Variants in GPR153 observed in about 807,000 individuals in gnomAD.
GPR153 encodes the protein G protein-coupled receptor 153, also known as probable G protein-coupled receptor 153.
Under a neutral mutation model 34.1 loss-of-function variants are expected in GPR153, and 27 were observed. The ratio of observed to expected loss-of-function variants is 0.79; its 90% CI spans 0.58 to 1.09. GPR153 has a LOEUF of 1.09. Among genes scored for constraint, GPR153 ranks in the 50% least tolerant of loss-of-function variants. GPR153 has a pLI of 0.00. For synonymous variants in GPR153, 408 were observed against 405.4 expected (o/e 1.01, Z -0.08); for missense variants, 848 against 860.2 (o/e 0.99, Z 0.18).
At chr1:6,255,197 G>A (rs2100990753) in intron 1 of GPR153, among the ~76,000 whole-genome samples, 183 bp from the exon 2 acceptor site, 1 of 114,472 alleles carries the variant, frequency 8.7e-6, no homozygotes. Context: ...TAAGAGGTAA[G>A]ACTATTTTTT....
Position 6,250,448 on chromosome 1 carries a change from A to G in GPR153, c.1156T>C (p.Tyr386His). The change falls in exon 5 of 6, where the codon TAC (tyrosine) becomes CAC (histidine). Residue 386 changes from tyrosine to histidine, a missense_variant. Coordinates refer to ENST00000377893, the MANE Select transcript of GPR153 (RefSeq NM_207370.4). ...LRPLQEDKMQ[Y>H]LQVPPTRRFS... ...CCCAGCCCTGCGCTCACCTGCAGGT[A>G]TTGCATCTTGTCCTCCTGCAAGGGC... 1 of 1,596,244 alleles carries G rather than the reference A, an allele frequency of 6.3e-7. No homozygotes were observed. The highest frequency in any genetic ancestry group is 8.5e-7 in the Non-Finnish European group (1 of 1,171,634).
At chr1:6,258,763 C>T (rs1638613447) in intron 1 of GPR153, among the ~76,000 whole-genome samples, 1 of 152,194 alleles carries the variant, frequency 6.6e-6, no homozygotes. Context: ...GGGAGGCCTT[C>T]CCTCAGATGC....
At chr1:6,260,316 C>T (rs537388292) in intron 1 of GPR153, among the ~76,000 whole-genome samples, 33 of 151,172 alleles carry the variant, frequency 2.2e-4, no homozygotes, top group African/African-American at 7.5e-4. Flanking sequence ...GAGGCCTGGA[C>T]ATCTCCGGCA....
At position 6,249,009 on chromosome 1, in the gene GPR153, C is replaced by T. The variant is rs1344359464; in HGVS notation, c.*329G>A. 4.3e-6 allele frequency: 1 copy of T among 230,558 alleles called. No homozygotes were observed. The highest frequency in any genetic ancestry group is 8.4e-5 in the East Asian group (1 of 11,902). 14.3% of individuals were successfully genotyped at this position (230,558 alleles called of 1,614,324 possible). ...TCTCAGGTTCCCTGCTCCCGACGTC[C>T]TGTTGCGCAGGGCTGGTGATGGCGC... is the stretch of plus-strand genomic sequence containing the variant. On this transcript the variant is annotated 3_prime_UTR_variant, in exon 6 of 6. Transcript: ENST00000377893. The surrounding 1 kb of genome is among the most constrained non-coding windows in gnomAD (Gnocchi z 4.3).
At chr1:6,252,371 C>T (rs2281261) in intron 3 of GPR153, among the ~76,000 whole-genome samples, 111,236 of 151,988 alleles carry the variant, frequency 0.73, 40,978 homozygotes, top group African/African-American at 0.79. Flanking sequence ...CCGTAAGAGA[C>T]GCAGGGGTGG....
At chr1:6,250,338 G>T (rs956829189) in intron 5 of GPR153, 102 bp downstream of exon 5, 3 of 1,457,008 alleles carry the variant, frequency 2.1e-6, no homozygotes, top group Admixed American at 5.1e-5. Context: ...CCACCCCTGC[G>T]ACTGCAGAAG....
intron 5 of GPR153, chr1:6,250,238 C>T (rs1638411337): frequency 2.0e-6 from 2 of 985,420 alleles, no homozygotes; most frequent in Non-Finnish European, 2.4e-6. Flanking sequence ...CAGGAGATAA[C>T]TCATGTGACA....
rs1638381233 is a variant in GPR153 at position 6,249,431 on chromosome 1, GC to G, written c.1736del (p.Gly579AlafsTer10). ...WGEPGGLRAA[G>X]GGGSTSSFLS... ...GGAAGCTGCTGGTGCTGCCGCCGCC[GC>G]CCGCCGCGCGCAGCCCCCCGGGCTC... On this transcript the variant is annotated frameshift_variant, in exon 6 of 6. Coordinates refer to ENST00000377893, the MANE Select transcript of GPR153 (RefSeq NM_207370.4). LOFTEE classifies it high-confidence loss of function. The surrounding 1 kb of genome is among the most constrained non-coding windows in gnomAD (Gnocchi z 4.3). The G allele has an allele frequency of 1.0e-5, 14 of 1,365,272 alleles. No homozygotes were observed. The East Asian group carries it at 4.0e-4, about 39-fold the overall frequency. 84.6% of individuals were successfully genotyped at this position (1,365,272 alleles called of 1,614,324 possible).
Position 6,251,454 on chromosome 1 carries a change from GC to G in GPR153, c.862del (p.Ala288ProfsTer68). On this transcript the variant is annotated frameshift_variant, in exon 4 of 6. Coordinates refer to ENST00000377893, the MANE Select transcript of GPR153 (RefSeq NM_207370.4). LOFTEE classifies it high-confidence loss of function. This position sits in a 1 kb window ranked among gnomAD's most constrained non-coding sequence, Gnocchi z 4.9. ...MALCVLWCSV[A>X]QALLLPVFLW... Reference sequence around the variant, plus strand: ...GAACACAGGCAGCAGCAGGGCCTGGGCCACGGAGCACCACAGCACGCAGAGT... The same window carrying G: ...GAACACAGGCAGCAGCAGGGCCTGGGCACGGAGCACCACAGCACGCAGAGT... The G allele has an allele frequency of 6.2e-7, 1 of 1,613,288 alleles. No homozygotes were observed. Among genetic ancestry groups the G allele is most frequent in the Non-Finnish European group, 8.5e-7 (1 of 1,179,964 alleles).
Position 6,253,969 on chromosome 1 carries a change from G to C in GPR153, c.535C>G (p.Leu179Val). 2 of 1,612,932 alleles carry C rather than the reference G, an allele frequency of 1.2e-6. No homozygotes were observed. The highest frequency in any genetic ancestry group is 1.7e-6 in the Non-Finnish European group (2 of 1,179,806). ...GLGFGVCFLLLVGGSVAMGVI... is the reference protein window; with the variant it reads ...GLGFGVCFLLVVGGSVAMGVI... ...CCCATGGCCACGCTGCCGCCCACCAGCAGCAGGAAGCAGACGCCAAAGCCC... is the reference window on the plus strand; with the variant it reads ...CCCATGGCCACGCTGCCGCCCACCACCAGCAGGAAGCAGACGCCAAAGCCC... Residue 179 changes from leucine (L) to valine (V), a missense_variant, in exon 3 of 6, where the codon CTG becomes GTG. By Grantham distance (32) the Leu-to-Val change is conservative. Transcript: ENST00000377893.
At chr1:6,250,052 G>A in intron 5 of GPR153, 49 bp from the exon 6 acceptor site, 18 of 1,258,038 alleles carry the variant, frequency 1.4e-5, no homozygotes, top group Non-Finnish European at 1.7e-5. Context: ...CCTGGGAAAC[G>A]GGGACAAACC....
chr1:6,249,808 GGC>G lies in GPR153; in HGVS notation c.1358_1359del (p.Arg453ProfsTer17), dbSNP rs1350540079. On this transcript the variant is annotated frameshift_variant, in exon 6 of 6. Transcript: ENST00000377893. LOFTEE classifies it low-confidence loss of function (END_TRUNC). This position sits in a 1 kb window ranked among gnomAD's most constrained non-coding sequence, Gnocchi z 4.3. The stretch of plus-strand genomic sequence containing the variant: ...GACAGCAGGCTCTCGGCCGAGCGGC[GGC>G]GCGCGCGGGACGGTGGTGCGTCCTC... ...FAEDAPPSRA[R>X]RRSAESLLSL... is the part of the protein sequence containing the mutation. 8.4e-7 allele frequency: 1 copy of G among 1,196,484 alleles called. No individual in the cohort carries two copies. Among genetic ancestry groups the G allele is most frequent in the South Asian group, 3.8e-5 (1 of 26,516 alleles). 74.1% of individuals were successfully genotyped at this position (1,196,484 alleles called of 1,614,324 possible).
chr1:6,260,591 C>T (rs1181938083), intron 1 of GPR153, among the ~76,000 whole-genome samples: 2 of 151,630 alleles, frequency 1.3e-5, no homozygotes, highest in East Asian at 2.0e-4. Context: ...CCTGAGAAGC[C>T]CAGGGGGCGG....
At chr1:6,260,059 G>C (rs1037339093) in intron 1 of GPR153, among the ~76,000 whole-genome samples, 3 of 152,288 alleles carry the variant, frequency 2.0e-5, no homozygotes, top group Middle Eastern at 3.4e-3. Flanking sequence ...GGACCCACCC[G>C]GGCCATGAGG....
chr1:6,249,440 G>T lies in GPR153; in HGVS notation c.1728C>A (p.Arg576=). ...SASWGEPGGL[R]AAGGGGSTSS... is the part of the protein sequence containing the mutation. The stretch of plus-strand genomic sequence containing the variant: ...TGGTGCTGCCGCCGCCGCCCGCCGC[G>T]CGCAGCCCCCCGGGCTCGCCCCACG... The change falls in exon 6 of 6, where the codon CGC becomes CGA. Residue 576 remains arginine, a synonymous_variant. Transcript: ENST00000377893. The surrounding 1 kb of genome is among the most constrained non-coding windows in gnomAD (Gnocchi z 4.3). 1.5e-6 allele frequency: 2 copies of T among 1,363,438 alleles called. No homozygotes were observed. Among genetic ancestry groups the T allele is most frequent in the Non-Finnish European group, 9.4e-7 (1 of 1,062,414 alleles). 84.5% of individuals were successfully genotyped at this position (1,363,438 alleles called of 1,614,324 possible). A position where few individuals can be genotyped will look rare whatever the true frequency, so the allele number is the denominator to read the frequency against.
chr1:6,249,734 C>T lies in GPR153; in HGVS notation c.1434G>A (p.Ser478=), dbSNP rs1475399385. 2.8e-6 allele frequency: 3 copies of T among 1,060,906 alleles called. No homozygotes were observed. The highest frequency in any genetic ancestry group is 7.3e-5 in the East Asian group (1 of 13,770). The allele number at this position is 1,060,906 out of a possible 1,614,324, so 65.7% of individuals were successfully genotyped here. A position where few individuals can be genotyped will look rare whatever the true frequency, so the allele number is the denominator to read the frequency against. ...LDSGPRGARD[S]PPGSPRRRPG... ...GGCGGCGGCGCGGGCTGCCGGGGGGCGAGTCGCGGGCTCCCCGCGGGCCGC... is the reference window on the plus strand; with the variant it reads ...GGCGGCGGCGCGGGCTGCCGGGGGGTGAGTCGCGGGCTCCCCGCGGGCCGC... The change falls in exon 6 of 6, where the codon TCG becomes TCA. Residue 478 remains serine (S), a synonymous_variant. Coordinates refer to ENST00000377893, the MANE Select transcript of GPR153 (RefSeq NM_207370.4). The surrounding 1 kb of genome is among the most constrained non-coding windows in gnomAD (Gnocchi z 4.3).
rs1638436605 is a variant in GPR153, at chr1:6,251,004, C to G, written c.979+334G>C. 6.6e-6 allele frequency among the ~76,000 whole-genome samples: 1 copy of G among 152,046 alleles called. No homozygotes were observed. Among genetic ancestry groups the G allele is most frequent in the Non-Finnish European group, 1.5e-5 (1 of 67,988 alleles). Reference sequence around the variant, plus strand: ...CAGACAGGACCTCGGTCTGCAGGAGCCCCCAGGGCAGCTTGCTGGGGATCC... The same window carrying G: ...CAGACAGGACCTCGGTCTGCAGGAGGCCCCAGGGCAGCTTGCTGGGGATCC... On this transcript the variant is annotated intron_variant, in intron 4 of 5. Transcript: ENST00000377893. The surrounding 1 kb of genome is among the most constrained non-coding windows in gnomAD (Gnocchi z 4.9).
At chr1:6,253,168 G>C (rs1638486185) in intron 3 of GPR153, among the ~76,000 whole-genome samples, 1 of 152,192 alleles carries the variant, frequency 6.6e-6, no homozygotes, top group Admixed American at 6.5e-5. Flanking sequence ...GAGATGGGCA[G>C]ATCACCTGAG....
chr1:6,252,634 GCTCATGTC>G (rs1024447128), intron 3 of GPR153, among the ~76,000 whole-genome samples: 1 of 152,234 alleles, frequency 6.6e-6, no homozygotes, highest in Non-Finnish European at 1.5e-5. Flanking sequence ...CCATTCTGGA[GCTCATGTC>G]CTCATGTCCT....
Sources: gnomAD v4.1 joint callset for allele counts (sites outside exome capture counted in the v4.1 genomes callset) on GRCh38, gnomAD v4.1.1 for gene constraint, Gnocchi (gnomAD v3.1) non-coding constraint, MANE v1.5 for transcripts, NCBI Gene and HGNC (gene_info 2026-07-23, HGNC 2026-07-21) for gene names.